ACOT11: variants seen among roughly 807,000 people sequenced by gnomAD.
ACOT11 encodes the protein acyl-CoA thioesterase 11, also known as acyl-coenzyme A thioesterase 11.
ACOT11 carries 69 observed loss-of-function variants against 77.5 expected under a neutral mutation model. The observed-to-expected ratio is 0.89, with a 90% CI of 0.73 to 1.09. The LOEUF (loss-of-function observed/expected upper bound fraction) is 1.09, where lower values mean the gene tolerates loss of function less well. Among genes scored for constraint, ACOT11 ranks in the 50% least tolerant of loss-of-function variants. The probability of loss-of-function intolerance (pLI) is 0.00; values close to 1 mark genes in which losing one functional copy is unlikely to be tolerated. For synonymous variants in ACOT11, 279 were observed against 313.0 expected, an observed-to-expected ratio of 0.89 and a Z score of 1.15; for missense variants, 766 against 813.7, an observed-to-expected ratio of 0.94 and a Z score of 0.71.
chr1:54,624,487 A>G (rs1031882752), intron 15 of ACOT11, among the ~76,000 whole-genome samples: 1 of 152,100 alleles, frequency 6.6e-6, no homozygotes, highest in Non-Finnish European at 1.5e-5. Context: ...TGGGCTCAGG[A>G]CTGAGATCAG....
chr1:54,604,921 C>T (rs1434430053), intron 12 of ACOT11, among the ~76,000 whole-genome samples, 155 bp from the exon 13 acceptor site: 3 of 152,144 alleles, frequency 2.0e-5, no homozygotes, highest in South Asian at 2.1e-4. Context: ...ATTCATAATT[C>T]GTGGGGATGC....
intron 1 of ACOT11, among the ~76,000 whole-genome samples, chr1:54,570,443 A>G (rs534838956): frequency 6.6e-6 from 1 of 152,368 alleles, no homozygotes; most frequent in African/African-American, 2.4e-5. Context: ...CTGGCCAGTC[A>G]CAGCACTTAC....
At chr1:54,620,103 G>A in intron 15 of ACOT11, 1 of 1,321,284 alleles carries the variant, frequency 7.6e-7, no homozygotes, top group Non-Finnish European at 1.0e-6. Context: ...CTCCCACTGT[G>A]TCCAGTACCC....
In ACOT11 at chr1:54,593,595, A is replaced by G. The variant is rs1176510283; in HGVS notation, c.373-346A>G. 2.0e-5 allele frequency among the ~76,000 whole-genome samples: 3 copies of G among 151,414 alleles called. No homozygotes were observed. The East Asian group carries it at 5.9e-4, about 30-fold the overall frequency. On this transcript the variant is annotated intron_variant, in intron 4 of 15. Transcript: ENST00000343744. The stretch of plus-strand genomic sequence containing the variant: ...AATTACAGGCCATTGAGCCTGGCCT[A>G]TCCTTTAAATTTAGCCAACATTCTG...
At chr1:54,608,126 G>A in intron 15 of ACOT11, 58 bp downstream of exon 15, 1 of 1,558,376 alleles carries the variant, frequency 6.4e-7, no homozygotes, top group Non-Finnish European at 8.7e-7. Context: ...CACCACACGT[G>A]TATTGAGCTC....
chr1:54,578,272 G>A (rs1398989287), intron 1 of ACOT11, among the ~76,000 whole-genome samples: 2 of 152,232 alleles, frequency 1.3e-5, no homozygotes, highest in African/African-American at 4.8e-5. Context: ...GGGTCAGCAA[G>A]ACACAGCTCT....
chr1:54,574,720 C>G lies in ACOT11; in HGVS notation c.34-9935C>G, dbSNP rs1442604094. 3.9e-5 allele frequency among the ~76,000 whole-genome samples: 6 copies of G among 152,304 alleles called. No homozygotes were observed. In the South Asian group the frequency reaches 1.0e-3, roughly 26 times the overall value. ...TGAGGGTGGGGCCGGGATTCAAATG[C>G]AATCTACCTGTCTCAAGAACCCACT... is the stretch of plus-strand genomic sequence containing the variant. On this transcript the variant is annotated intron_variant, in intron 1 of 15. Coordinates refer to ENST00000343744, the MANE Select transcript of ACOT11 (RefSeq NM_147161.4).
rs1350802215 is a variant in ACOT11 at position 54,626,764 on chromosome 1, G to A, written c.1630-3970G>A. ...GAAAAATCAAGAACTTAGTTCTTAC[G>A]GTCCATGAGGGCACCCCCTGCACAA... On this transcript the variant is annotated intron_variant, in intron 15 of 16. Coordinates refer to the ACOT11 transcript ENST00000371316. Among the ~76,000 whole-genome samples, 24 of 135,348 alleles carry A rather than the reference G, an allele frequency of 1.8e-4. 7 individuals carry two copies. Among genetic ancestry groups the A allele is most frequent in the East Asian group, 2.3e-4 (1 of 4,396 alleles). 88.8% of individuals were successfully genotyped at this position (135,348 alleles called of 152,430 possible).
intron 1 of ACOT11, among the ~76,000 whole-genome samples, chr1:54,575,566 G>T (rs551350484): frequency 6.8e-6 from 1 of 146,286 alleles, no homozygotes; most frequent in Admixed American, 6.6e-5. Context: ...AATTCGGAAC[G>T]CACTGAAAAA....
intron 8 of ACOT11, among the ~76,000 whole-genome samples, 194 bp from the exon 9 acceptor site, chr1:54,601,075 G>A (rs1643955591): frequency 6.6e-6 from 1 of 152,084 alleles, no homozygotes; most frequent in Admixed American, 6.5e-5. Flanking sequence ...GAGTGTATGT[G>A]AGTGTGTGTG....
chr1:54,622,870 C>T (rs1380800697), intron 15 of ACOT11, among the ~76,000 whole-genome samples: 3 of 151,582 alleles, frequency 2.0e-5, no homozygotes, highest in Non-Finnish European at 2.9e-5. Flanking sequence ...TTGGTGGGGA[C>T]GAGGGCTCAA....
At chr1:54,575,204 T>C (rs1654065564) in intron 1 of ACOT11, among the ~76,000 whole-genome samples, 1 of 152,206 alleles carries the variant, frequency 6.6e-6, no homozygotes, top group African/African-American at 2.4e-5. Context: ...GAGATGTCTC[T>C]GAGTGCGGGA....
intron 1 of ACOT11, chr1:54,548,626 G>A: frequency 1.8e-6 from 1 of 542,522 alleles, no homozygotes; most frequent in South Asian, 2.2e-5. Flanking sequence ...TTCGGTGGGT[G>A]TATGTTTCTC....
At chr1:54,636,191 G>C (rs1223901179) in exon 17 of ACOT11, 1 of 152,218 alleles carries the variant, frequency 6.6e-6, no homozygotes, top group South Asian at 2.1e-4. Context: ...TTGGAAAAGA[G>C]ACACAGAGAC....
chr1:54,603,746 C>A lies in ACOT11; in HGVS notation c.1086-125C>A, dbSNP rs570374175. 1.6e-5 allele frequency: 14 copies of A among 875,900 alleles called. No individual in the cohort carries two copies. In the East Asian group the frequency reaches 3.2e-4, roughly 20 times the overall value. 54.3% of individuals were successfully genotyped at this position (875,900 alleles called of 1,614,324 possible). ...TGTGTGACCATCCAGCCTCCCTACC[C>A]AGACAGGAGTCTCCCATTCTGCCGG... On this transcript the variant is annotated intron_variant, in intron 10 of 15. Transcript: ENST00000343744.
chr1:54,561,926 C>T (rs2100947242), intron 1 of ACOT11, among the ~76,000 whole-genome samples: 1 of 101,568 alleles, frequency 9.8e-6, no homozygotes, highest in Non-Finnish European at 1.9e-5. Context: ...CCCCCCCCCA[C>T]CTCCCTCCCG....
At chr1:54,557,949 C>T (rs1034811179) in intron 1 of ACOT11, among the ~76,000 whole-genome samples, 4 of 152,160 alleles carry the variant, frequency 2.6e-5, no homozygotes, top group Non-Finnish European at 5.9e-5. Context: ...TTTGTTTTAT[C>T]CCACATTTTA....
At chr1:54,571,415 G>T (rs1569677001) in intron 1 of ACOT11, among the ~76,000 whole-genome samples, 1 of 152,234 alleles carries the variant, frequency 6.6e-6, no homozygotes, top group Non-Finnish European at 1.5e-5. Context: ...CAGCCAGAGA[G>T]CTTGAGGCTG....
At chr1:54,573,669 G>A (rs1021461207) in intron 1 of ACOT11, among the ~76,000 whole-genome samples, 1 of 152,186 alleles carries the variant, frequency 6.6e-6, no homozygotes, top group African/African-American at 2.4e-5. Flanking sequence ...GGAGGTGGAG[G>A]TTGCAGTGAG....
Sources: allele counts gnomAD v4.1 joint callset (sites outside exome capture counted in the v4.1 genomes callset), GRCh38; gene constraint gnomAD v4.1.1; transcripts MANE v1.5; gene names NCBI Gene and HGNC (gene_info 2026-07-23, HGNC 2026-07-21).